Variants in SAMD3 observed in about 807,000 individuals in gnomAD.
SAMD3 encodes sterile alpha motif domain containing 3.
In SAMD3, 63 loss-of-function variants were observed where a neutral mutation model predicts 58.5. The observed-to-expected ratio is 1.08, with a 90% CI of 0.88 to 1.33. SAMD3 has a LOEUF of 1.33. Ranked by LOEUF, SAMD3 falls within the 40% of genes most tolerant of loss-of-function variation. The pLI is 0.00. For synonymous variants in SAMD3, 220 were observed against 210.3 expected (o/e 1.05, Z -0.40); for missense variants, 604 against 608.4 (o/e 0.99, Z 0.08).
At chr6:130,320,917 T>C (rs1776562496) in intron 1 of SAMD3, among the ~76,000 whole-genome samples, 1 of 152,222 alleles carries the variant, frequency 6.6e-6, no homozygotes, top group Non-Finnish European at 1.5e-5. Context: ...TTTGAACACA[T>C]CAAGAATGTG....
intron 2 of SAMD3, among the ~76,000 whole-genome samples, chr6:130,269,308 G>C (rs149028359): frequency 6.6e-6 from 1 of 152,230 alleles, no homozygotes; most frequent in Non-Finnish European, 1.5e-5. Flanking sequence ...TTTTTGAAAT[G>C]TTTGGTAGAA....
upstream of SAMD3, among the ~76,000 whole-genome samples, chr6:130,227,703 G>T (rs200052430): frequency 6.6e-6 from 1 of 151,450 alleles, no homozygotes; most frequent in African/African-American, 2.4e-5. Context: ...CAGGAGAATC[G>T]CTTGAACCTG....
At chr6:130,296,069 T>C (rs1775559940) in intron 2 of SAMD3, among the ~76,000 whole-genome samples, 1 of 152,212 alleles carries the variant, frequency 6.6e-6, no homozygotes. Flanking sequence ...CAATTCTTGA[T>C]GCAAATCAGT....
intron 5 of SAMD3, among the ~76,000 whole-genome samples, chr6:130,190,924 A>G (rs769101660): frequency 6.6e-6 from 1 of 152,044 alleles, no homozygotes; most frequent in Non-Finnish European, 1.5e-5. Context: ...ATCATGTCCA[A>G]TTTCAAACAC....
intron 5 of SAMD3, among the ~76,000 whole-genome samples, chr6:130,190,213 C>T (rs1036497277): frequency 2.6e-4 from 39 of 152,058 alleles, no homozygotes; most frequent in Admixed American, 1.3e-3. Flanking sequence ...ACCAATTTTG[C>T]GGTTTCCTAG....
intron 1 of SAMD3, among the ~76,000 whole-genome samples, chr6:130,220,725 G>A (rs1796184690): frequency 6.6e-6 from 1 of 152,296 alleles, no homozygotes; most frequent in South Asian, 2.1e-4. Context: ...AAAAATGCTT[G>A]ACAAAAGGAC....
chr6:130,145,448 T>A, intron 10 of SAMD3, 26 bp from the exon 11 acceptor site: 1 of 1,527,708 alleles, frequency 6.5e-7, no homozygotes, highest in Non-Finnish European at 9.0e-7. Context: ...TGTTAACATG[T>A]GAAGTAAAAA....
In SAMD3 at chr6:130,263,506, G is replaced by A. The variant is rs541390679; in HGVS notation, c.-187-40693C>T. Among the ~76,000 whole-genome samples the A allele has an allele frequency of 3.4e-4, 51 of 152,142 alleles. 2 individuals carry two copies. The highest frequency in any genetic ancestry group is 3.4e-3 in the Middle Eastern group (1 of 292). On this transcript the variant is annotated intron_variant, in intron 2 of 13. Transcript: ENST00000368134. Reference sequence around the variant, plus strand: ...AAAAAAGGATAGACTCATCATGCCCGACTCAAGAAAGCGCCACCCCCTCCA... The same window carrying A: ...AAAAAAGGATAGACTCATCATGCCCAACTCAAGAAAGCGCCACCCCCTCCA...
intron 1 of SAMD3, among the ~76,000 whole-genome samples, chr6:130,363,689 T>C (rs1482286699): frequency 6.6e-6 from 1 of 152,204 alleles, no homozygotes; most frequent in Non-Finnish European, 1.5e-5. Context: ...GTCCCTCTGT[T>C]AGTAGGTGGT....
At chr6:130,281,650 G>A (rs1172241308) in intron 2 of SAMD3, among the ~76,000 whole-genome samples, 2 of 152,032 alleles carry the variant, frequency 1.3e-5, no homozygotes, top group African/African-American at 4.8e-5. Flanking sequence ...TGGGTATGGT[G>A]GCTCACACCT....
At chr6:130,178,837 G>A (rs1791995666) in intron 7 of SAMD3, among the ~76,000 whole-genome samples, 1 of 152,188 alleles carries the variant, frequency 6.6e-6, no homozygotes, top group South Asian at 2.1e-4. Context: ...AAGAAAGGCA[G>A]TGGTTGAGGG....
At chr6:130,246,691 G>T (rs1156422041) in intron 2 of SAMD3, among the ~76,000 whole-genome samples, 1 of 152,132 alleles carries the variant, frequency 6.6e-6, no homozygotes, top group African/African-American at 2.4e-5. Flanking sequence ...AGGAGTTCAA[G>T]ACCAATCTGG....
intron 2 of SAMD3, among the ~76,000 whole-genome samples, chr6:130,266,159 G>A (rs1201095016): frequency 1.3e-5 from 2 of 152,154 alleles, no homozygotes; most frequent in Admixed American, 6.5e-5. Flanking sequence ...GTGGTTTGAG[G>A]AAAAGTTTAT....
intron 2 of SAMD3, among the ~76,000 whole-genome samples, chr6:130,241,073 C>A (rs925056411): frequency 9.9e-5 from 15 of 152,080 alleles, no homozygotes; most frequent in African/African-American, 3.6e-4. Flanking sequence ...CCAAAGGAGG[C>A]AACAAGACTC....
chr6:130,195,808 G>C (rs4897374), intron 5 of SAMD3, among the ~76,000 whole-genome samples: 32,252 of 151,952 alleles, frequency 0.21, 4,221 homozygotes, highest in East Asian at 0.44. Context: ...TCTCCCTGCC[G>C]ATCATGTCTG....
chr6:130,251,087 G>A (rs1385224706), intron 2 of SAMD3, among the ~76,000 whole-genome samples: 4 of 152,114 alleles, frequency 2.6e-5, no homozygotes, highest in Admixed American at 6.6e-5. Context: ...CCACATTCTT[G>A]CCAATACTTG....
rs999311640 is a variant in SAMD3 at position 130,346,002 on chromosome 6, G to C, written c.-304+19118C>G. Among the ~76,000 whole-genome samples the C allele has an allele frequency of 3.3e-5, 5 of 152,346 alleles. No individual in the cohort carries two copies. In the East Asian group the frequency reaches 7.7e-4, roughly 24 times the overall value. On this transcript the variant is annotated intron_variant, in intron 1 of 13. Transcript: ENST00000368134. ...GCACACTAGGTTGTTATGACAGGCT[G>C]AATATTTTGCACTTTATCTTTTTGC...
intron 2 of SAMD3, among the ~76,000 whole-genome samples, chr6:130,248,823 C>T (rs1423348273): frequency 6.6e-6 from 1 of 152,036 alleles, no homozygotes; most frequent in Non-Finnish European, 1.5e-5. Context: ...GCTAAGATGC[C>T]ACCTAGAAAC....
intron 7 of SAMD3, 27 bp from the exon 8 acceptor site, chr6:130,176,035 C>T: frequency 6.3e-7 from 1 of 1,587,452 alleles, no homozygotes; most frequent in Non-Finnish European, 8.6e-7. Flanking sequence ...ACCAGTTAAT[C>T]TTCAAGGAGA....
Sources: allele counts gnomAD v4.1 joint callset (sites outside exome capture counted in the v4.1 genomes callset), GRCh38; gene constraint gnomAD v4.1.1; transcripts MANE v1.5; gene names NCBI Gene and HGNC (gene_info 2026-07-23, HGNC 2026-07-21).